AXDND1: variants seen among roughly 807,000 people sequenced by gnomAD.
AXDND1 encodes the protein axonemal dynein light chain domain containing 1, also known as axonemal dynein light chain domain-containing protein 1.
A neutral mutation model predicts 137.5 loss-of-function variants in AXDND1; 110 were observed. That is an observed-to-expected ratio of 0.80 (90% confidence interval 0.69 to 0.94). The LOEUF is 0.94. Ranked by LOEUF, AXDND1 falls within the 40% of genes least tolerant of loss-of-function variation. The pLI is 0.00. For synonymous variants in AXDND1, 414 were observed against 399.7 expected, an observed-to-expected ratio of 1.04 and a Z score of -0.43; for missense variants, 1,191 against 1,169.8, an observed-to-expected ratio of 1.02 and a Z score of -0.26.
At chr1:179,378,781 A>G (rs1647725092) in intron 5 of AXDND1, 24 bp downstream of exon 5, 1 of 1,467,920 alleles carries the variant, frequency 6.8e-7, no homozygotes, top group African/African-American at 1.4e-5. Context: ...TTGACAAATA[A>G]TCTTCTCTCC....
At chr1:179,419,624 T>C (rs1159900711) in intron 12 of AXDND1, among the ~76,000 whole-genome samples, 1 of 41,844 alleles carries the variant, frequency 2.4e-5, no homozygotes, top group Admixed American at 3.1e-4. Flanking sequence ...GAGAGGGAGA[T>C]GGTGGGGAGA....
At chr1:179,489,262 G>A (rs1474195325) in intron 18 of AXDND1, among the ~76,000 whole-genome samples, 1 of 152,140 alleles carries the variant, frequency 6.6e-6, no homozygotes, top group African/African-American at 2.4e-5. Flanking sequence ...GAAAGTAAAA[G>A]ATATTCTTTG....
chr1:179,391,922 G>A (rs1052672138), intron 9 of AXDND1, among the ~76,000 whole-genome samples: 16 of 152,220 alleles, frequency 1.1e-4, no homozygotes, highest in African/African-American at 3.9e-4. Flanking sequence ...AGAAGGACAT[G>A]TTTGCTTTCC....
At position 179,526,306 on chromosome 1, in the gene AXDND1, A is replaced by G. The variant is rs150622348; in HGVS notation, c.2610+859A>G. On this transcript the variant is annotated intron_variant, in intron 22 of 25. Transcript: ENST00000367618. The stretch of plus-strand genomic sequence containing the variant: ...GATTACCAAAAATTGAGTGCCTATC[A>G]TGAGTGATATACTTTGCACATATTA... Among the ~76,000 whole-genome samples, 939 of 152,294 alleles carry G rather than the reference A, an allele frequency of 6.2e-3. 17 individuals are homozygous for G. The highest frequency in any genetic ancestry group is 0.022 in the African/African-American group (909 of 41,556).
At chr1:179,474,038 A>G (rs561007051) in intron 17 of AXDND1, among the ~76,000 whole-genome samples, 6 of 152,240 alleles carry the variant, frequency 3.9e-5, no homozygotes, top group African/African-American at 1.4e-4. Context: ...ACCCTGGCCA[A>G]CATGGTGAAA....
At chr1:179,537,359 C>T (rs1347612165) in intron 25 of AXDND1, among the ~76,000 whole-genome samples, 1 of 152,076 alleles carries the variant, frequency 6.6e-6, no homozygotes, top group Non-Finnish European at 1.5e-5. Flanking sequence ...CTCTTATTAT[C>T]TTGAGATACG....
chr1:179,386,072 G>A (rs1253119416), intron 9 of AXDND1, among the ~76,000 whole-genome samples: 1 of 23,232 alleles, frequency 4.3e-5, no homozygotes, highest in Non-Finnish European at 8.4e-5. Flanking sequence ...TTTTTTTTTT[G>A]AGACAGTCTC....
intron 12 of AXDND1, among the ~76,000 whole-genome samples, chr1:179,421,098 T>A (rs931080544): frequency 1.4e-5 from 2 of 147,724 alleles, no homozygotes; most frequent in Non-Finnish European, 3.0e-5. Flanking sequence ...CCTTCCTTTC[T>A]TCCTTCTTTG....
intron 17 of AXDND1, among the ~76,000 whole-genome samples, chr1:179,476,392 A>G (rs1280083339): frequency 2.0e-5 from 3 of 152,204 alleles, no homozygotes; most frequent in Non-Finnish European, 4.4e-5. Flanking sequence ...CAGTTAAGAA[A>G]TAGAAAATAT....
At chr1:179,449,687 TAAC>T (rs1230227369) in intron 16 of AXDND1, 3 of 152,174 alleles carry the variant, frequency 2.0e-5, no homozygotes, top group Non-Finnish European at 4.4e-5. Flanking sequence ...CAATTTCTCT[TAAC>T]AATGTTTTAT....
chr1:179,430,207 T>C (rs1047336749), intron 13 of AXDND1, among the ~76,000 whole-genome samples: 2 of 151,914 alleles, frequency 1.3e-5, no homozygotes, highest in African/African-American at 2.4e-5. Context: ...CCTGTGAAAG[T>C]CCTATGGAAA....
At chr1:179,453,786 G>A (rs1660880443) in intron 16 of AXDND1, 1 of 119,016 alleles carries the variant, frequency 8.4e-6, no homozygotes, top group Admixed American at 9.8e-5. Context: ...GGCAAGAAGA[G>A]CAAATCTCTG....
intron 21 of AXDND1, among the ~76,000 whole-genome samples, chr1:179,512,475 A>AAT (rs2125648582): frequency 6.6e-6 from 1 of 152,240 alleles, no homozygotes; most frequent in South Asian, 2.1e-4. Context: ...GCCTTATAGT[A>AAT]TAGTTTGAAA....
At chr1:179,491,903 T>G (rs1419344320) in intron 19 of AXDND1, among the ~76,000 whole-genome samples, 166 bp downstream of exon 19, 6 of 152,220 alleles carry the variant, frequency 3.9e-5, no homozygotes, top group Non-Finnish European at 8.8e-5. Flanking sequence ...AATATGAGAT[T>G]TTGGTTTTTC....
intron 15 of AXDND1, among the ~76,000 whole-genome samples, chr1:179,443,317 G>A (rs2125360141): frequency 6.6e-6 from 1 of 152,320 alleles, no homozygotes. Context: ...CATAAGTAAT[G>A]TTTGTGCCTA....
rs11284261 is a variant in AXDND1 at position 179,391,111 on chromosome 1, C to CT, written c.864-2776dup. Among the ~76,000 whole-genome samples, 579 of 127,878 alleles carry CT rather than the reference C, an allele frequency of 4.5e-3. 7 individuals carry two copies. Among genetic ancestry groups the CT allele is most frequent in the African/African-American group, 0.015 (501 of 34,324 alleles). 83.9% of individuals were successfully genotyped at this position (127,878 alleles called of 152,430 possible). A position where few individuals can be genotyped will look rare whatever the true frequency, so the allele number is the denominator to read the frequency against. On this transcript the variant is annotated intron_variant, in intron 9 of 25. Coordinates refer to ENST00000367618, the MANE Select transcript of AXDND1 (RefSeq NM_144696.6). ...GTGAGCCACTGAGGCCAGACTTCTT[C>CT]TTTTTTTTTTTTTTTTCCTATATTG...
At chr1:179,546,651 A>G (rs1672676792) in intron 25 of AXDND1, among the ~76,000 whole-genome samples, 1 of 152,148 alleles carries the variant, frequency 6.6e-6, no homozygotes, top group Non-Finnish European at 1.5e-5. Context: ...GAAACTGGTT[A>G]GCCTCATCAT....
intron 23 of AXDND1, among the ~76,000 whole-genome samples, chr1:179,531,035 T>C (rs150127613): frequency 2.9e-4 from 44 of 152,220 alleles, no homozygotes; most frequent in Non-Finnish European, 5.6e-4. Flanking sequence ...TTTTCCAAGA[T>C]AGTTTGGTAG....
rs745362092 is a variant in AXDND1 at position 179,382,734 on chromosome 1, A to G, written c.616A>G (p.Arg206Gly). 2 of 1,601,220 alleles carry G rather than the reference A, an allele frequency of 1.2e-6. No individual in the cohort carries two copies. Among genetic ancestry groups the G allele is most frequent in the South Asian group, 1.1e-5 (1 of 90,676 alleles). ...YTTLLTDSEN[R>G]LLLFPSMKPN... ...TACTCTCCTCACAGATAGTGAAAAC[A>G]GGCTATTGCTCTTCCCATCCATGTA... is the stretch of plus-strand genomic sequence containing the variant. The change falls in exon 7 of 26, where the codon AGG becomes GGG. Residue 206 changes from arginine to glycine, a missense_variant. Coordinates refer to ENST00000367618, the MANE Select transcript of AXDND1 (RefSeq NM_144696.6).
Sources: allele counts gnomAD v4.1 joint callset (sites outside exome capture counted in the v4.1 genomes callset), GRCh38; gene constraint gnomAD v4.1.1; transcripts MANE v1.5; gene names NCBI Gene and HGNC (gene_info 2026-07-23, HGNC 2026-07-21).